Variants in TMPRSS11E observed in about 807,000 individuals in gnomAD.
TMPRSS11E encodes the protein transmembrane serine protease 11E.
A neutral mutation model predicts 48.1 loss-of-function variants in TMPRSS11E; 38 were observed. The observed-to-expected ratio is 0.79, with a 90% CI of 0.61 to 1.04. TMPRSS11E has a LOEUF of 1.04. Ranked by LOEUF, TMPRSS11E falls within the 50% of genes least tolerant of loss-of-function variation. TMPRSS11E has a pLI of 0.00. For synonymous variants in TMPRSS11E, 158 were observed against 171.9 expected (o/e 0.92, Z 0.63); for missense variants, 530 against 510.8 (o/e 1.04, Z -0.36).
intron 8 of TMPRSS11E, among the ~76,000 whole-genome samples, 186 bp from the exon 9 acceptor site, chr4:68,478,663 C>A: frequency 6.6e-6 from 1 of 151,780 alleles, no homozygotes. Flanking sequence ...CCATGTTGGC[C>A]AAGCTGGTCT....
At chr4:68,492,622 G>A in intron 9 of TMPRSS11E, among the ~76,000 whole-genome samples, 1 of 152,192 alleles carries the variant, frequency 6.6e-6, no homozygotes, top group Non-Finnish European at 1.5e-5. Flanking sequence ...TTTTAGCGGT[G>A]TTTACTGTGA....
At chr4:68,489,880 TATG>T (rs1320421549) in intron 9 of TMPRSS11E, among the ~76,000 whole-genome samples, 1 of 152,224 alleles carries the variant, frequency 6.6e-6, no homozygotes, top group African/African-American at 2.4e-5. Context: ...CCTAGAGATG[TATG>T]ATATTTGGGG....
intron 5 of TMPRSS11E, among the ~76,000 whole-genome samples, 189 bp from the exon 6 acceptor site, chr4:68,474,534 T>C (rs1226829744): frequency 6.6e-6 from 1 of 152,132 alleles, no homozygotes; most frequent in East Asian, 1.9e-4. Context: ...ACATTAAAGT[T>C]TAACACACCG....
At chr4:68,471,321 C>T in intron 4 of TMPRSS11E, 139 bp from the exon 5 acceptor site, 1 of 514,742 alleles carries the variant, frequency 1.9e-6, no homozygotes, top group Non-Finnish European at 3.2e-6. Context: ...TTCCCTTCTC[C>T]TTCCTTCCTT....
chr4:68,480,513 C>T (rs1397503511), intron 9 of TMPRSS11E, among the ~76,000 whole-genome samples: 3 of 151,914 alleles, frequency 2.0e-5, no homozygotes, highest in Middle Eastern at 3.2e-3. Flanking sequence ...TTTGTTGACA[C>T]TTCCTATTTC....
At chr4:68,477,699 A>G in intron 8 of TMPRSS11E, 71 bp downstream of exon 8, 1 of 1,554,906 alleles carries the variant, frequency 6.4e-7, no homozygotes, top group Non-Finnish European at 8.8e-7. Context: ...ATGAAATGCC[A>G]TTATGCCAAA....
At chr4:68,475,134 T>C (rs868031266) in intron 6 of TMPRSS11E, among the ~76,000 whole-genome samples, 3 of 152,132 alleles carry the variant, frequency 2.0e-5, no homozygotes, top group Admixed American at 6.6e-5. Context: ...TGTCACTATA[T>C]CCTAGATAAA....
intron 1 of TMPRSS11E, among the ~76,000 whole-genome samples, chr4:68,456,455 C>CT (rs1434121267): frequency 5.3e-5 from 8 of 151,694 alleles, no homozygotes; most frequent in South Asian, 2.1e-4. Context: ...TGTATTTCTT[C>CT]TTTTTTTAAA....
intron 9 of TMPRSS11E, among the ~76,000 whole-genome samples, chr4:68,494,533 C>T (rs1426002606): frequency 4.6e-5 from 7 of 152,100 alleles, no homozygotes; most frequent in Non-Finnish European, 8.8e-5. Context: ...TGTCTTAATA[C>T]TTCCACGGCT....
At chr4:68,490,570 G>C (rs1184652821) in intron 9 of TMPRSS11E, among the ~76,000 whole-genome samples, 1 of 151,802 alleles carries the variant, frequency 6.6e-6, no homozygotes, top group Non-Finnish European at 1.5e-5. Flanking sequence ...TCTGGCTGAA[G>C]GTACTTTGTT....
At chr4:68,465,601 T>G (rs1477741256) in intron 2 of TMPRSS11E, among the ~76,000 whole-genome samples, 1 of 145,608 alleles carries the variant, frequency 6.9e-6, no homozygotes, top group Non-Finnish European at 1.6e-5. Context: ...TATTGTAAAT[T>G]AAATGAGATA....
chr4:68,488,815 C>G (rs140913080), intron 9 of TMPRSS11E, among the ~76,000 whole-genome samples: 2,461 of 152,346 alleles, frequency 0.016, 22 homozygotes, highest in South Asian at 0.06. Flanking sequence ...GCTGGGATTA[C>G]AGGCGTGAGC....
chr4:68,488,620 G>C (rs71598075), intron 9 of TMPRSS11E, among the ~76,000 whole-genome samples: 8,851 of 152,092 alleles, frequency 0.058, 331 homozygotes, highest in South Asian at 0.1. Context: ...CTCACTGCAA[G>C]CTCCGCCTCC....
intron 9 of TMPRSS11E, 145 bp from the exon 10 acceptor site, chr4:68,496,498 T>G: frequency 1.2e-6 from 1 of 801,364 alleles, no homozygotes; most frequent in Non-Finnish European, 2.0e-6. Flanking sequence ...ATAACTGACA[T>G]AGATGGAGAA....
intron 9 of TMPRSS11E, among the ~76,000 whole-genome samples, chr4:68,493,453 G>C (rs1255710282): frequency 6.6e-6 from 1 of 152,054 alleles, no homozygotes. Context: ...TTATCTCTGG[G>C]AAGACATGGC....
chr4:68,491,994 C>T (rs952849257), intron 9 of TMPRSS11E, among the ~76,000 whole-genome samples: 1 of 152,126 alleles, frequency 6.6e-6, no homozygotes, highest in Non-Finnish European at 1.5e-5. Context: ...ACATTAAATT[C>T]TTTTATTCAG....
At chr4:68,469,802 G>A (rs958159910) in intron 4 of TMPRSS11E, among the ~76,000 whole-genome samples, 3 of 151,936 alleles carry the variant, frequency 2.0e-5, no homozygotes, top group South Asian at 4.1e-4. Flanking sequence ...TCCCCATGTG[G>A]AAGTTCCACA....
Position 68,476,280 on chromosome 4 carries a change from T to G in TMPRSS11E, c.549T>G (p.Ser183Arg). 1 of 1,614,064 alleles carries G rather than the reference T, an allele frequency of 6.2e-7. No homozygotes were observed. The highest frequency in any genetic ancestry group is 8.5e-7 in the Non-Finnish European group (1 of 1,179,978). Residue 183 changes from serine to arginine, a missense_variant, in exon 7 of 10, where the codon AGT becomes AGG. By Grantham distance (110) the Ser-to-Arg change is moderately radical (BLOSUM62 -1). Transcript: ENST00000305363. ...YLNHCCGTRRSKTLGQSLRIV... is the reference protein window; with the variant it reads ...YLNHCCGTRRRKTLGQSLRIV... The stretch of plus-strand genomic sequence containing the variant: ...TTGCAGGCTGCGGAACACGAAGAAG[T>G]AAAACTCTAGGTCAGAGTCTCAGGA...
chr4:68,467,219 A>G (rs62317555), intron 3 of TMPRSS11E, among the ~76,000 whole-genome samples: 41,910 of 152,048 alleles, frequency 0.28, 6,433 homozygotes, highest in Middle Eastern at 0.44. Context: ...AAATCCACAG[A>G]TATGCAACTC....
Sources: allele counts gnomAD v4.1 joint callset (sites outside exome capture counted in the v4.1 genomes callset), GRCh38; gene constraint gnomAD v4.1.1; transcripts MANE v1.5; gene names NCBI Gene and HGNC (gene_info 2026-07-23, HGNC 2026-07-21).